The following SPTBN1 variants were observed in gnomAD, a reference collection of about 807,000 sequenced individuals.
SPTBN1 encodes spectrin beta, non-erythrocytic 1.
A neutral mutation model predicts 266.4 loss-of-function variants in SPTBN1; 32 were observed. That is an observed-to-expected ratio of 0.12 (90% confidence interval 0.09 to 0.16). The LOEUF is 0.16. Ranked by LOEUF, SPTBN1 falls within the 10% of genes least tolerant of loss-of-function variation. The pLI, the probability that SPTBN1 is intolerant of heterozygous loss-of-function variation, is 1.00. For missense variants in SPTBN1, 2,296 were observed against 3,067.1 expected, an observed-to-expected ratio of 0.75 and a Z score of 5.94; for synonymous variants, 1,336 against 1,162.2, an observed-to-expected ratio of 1.15 and a Z score of -3.04.
rs187630739 is a variant in SPTBN1 at position 54,635,392 on chromosome 2, G to A, written c.3768-2321G>A. Among the ~76,000 whole-genome samples, 32 of 152,336 alleles carry A rather than the reference G, an allele frequency of 2.1e-4. No homozygotes were observed. The East Asian group carries it at 3.7e-3, about 17-fold the overall frequency. On this transcript the variant is annotated intron_variant, in intron 17 of 35. Transcript: ENST00000356805. The stretch of plus-strand genomic sequence containing the variant: ...TGTGTGGCTGTGTTTCACACCACAC[G>A]AAGGCCGTTGTCACACCTGCGCATA...
At chr2:54,482,129 G>A (rs566714106) in intron 1 of SPTBN1, among the ~76,000 whole-genome samples, 2 of 152,156 alleles carry the variant, frequency 1.3e-5, no homozygotes, top group South Asian at 4.2e-4. Flanking sequence ...GGTCGGATAG[G>A]GATTGACTAT....
chr2:54,612,438 G>C (rs975032123), intron 4 of SPTBN1, 104 bp downstream of exon 4: 1 of 1,320,400 alleles, frequency 7.6e-7, no homozygotes, highest in Non-Finnish European at 1.0e-6. Flanking sequence ...GGGAAGACCA[G>C]GTTGAAAGCA....
At chr2:54,530,547 C>T (rs765291783) in intron 2 of SPTBN1, among the ~76,000 whole-genome samples, 19 of 151,742 alleles carry the variant, frequency 1.3e-4, no homozygotes, top group Non-Finnish European at 2.7e-4. Context: ...TTCGTAGAGA[C>T]GGGGTTTCGC....
intron 1 of SPTBN1, chr2:54,520,329 C>G (rs1670364471): frequency 1.3e-5 from 2 of 152,160 alleles, no homozygotes; most frequent in Non-Finnish European, 2.9e-5. Context: ...AGAATACTTA[C>G]AAAGCCTGGC....
rs1331555523 is a variant in SPTBN1, at chr2:54,628,951, C to T, written c.1817C>T (p.Pro606Leu). The change falls in exon 14 of 36, where the codon CCC (proline) becomes CTC (leucine). Residue 606 changes from proline (P) to leucine (L), a missense_variant. Transcript: ENST00000356805. This position sits in a 1 kb window ranked among gnomAD's most constrained non-coding sequence, Gnocchi z 4.3. Reference protein sequence around the residue: ...TDGEGYKPCDPQVIRDRVAHM... With the variant: ...TDGEGYKPCDLQVIRDRVAHM... Reference sequence around the variant, plus strand: ...TAAACAGGTTACAAGCCCTGTGACCCCCAGGTGATCCGAGACCGCGTGGCC... The same window carrying T: ...TAAACAGGTTACAAGCCCTGTGACCTCCAGGTGATCCGAGACCGCGTGGCC... The T allele has an allele frequency of 1.2e-6, 2 of 1,606,216 alleles. No individual in the cohort carries two copies. The highest frequency in any genetic ancestry group is 1.7e-5 in the Admixed American group (1 of 59,188).
chr2:54,474,242 C>G (rs12988767), intron 1 of SPTBN1, among the ~76,000 whole-genome samples: 1 of 152,120 alleles, frequency 6.6e-6, no homozygotes, highest in Non-Finnish European at 1.5e-5. Context: ...CTTCAGATGC[C>G]TATAAAGATG....
At chr2:54,557,583 G>C (rs574733276) in intron 2 of SPTBN1, among the ~76,000 whole-genome samples, 1 of 152,252 alleles carries the variant, frequency 6.6e-6, no homozygotes, top group Admixed American at 6.5e-5. Flanking sequence ...ACAAATCAGA[G>C]TAGGAATTTG....
intron 2 of SPTBN1, among the ~76,000 whole-genome samples, chr2:54,588,047 A>G (rs1453763137): frequency 1.3e-5 from 2 of 152,170 alleles, no homozygotes. Context: ...GAGTCTAACA[A>G]ATGGGATGTG....
chr2:54,659,280 G>A lies in SPTBN1; in HGVS notation c.6356+14G>A. ...CCAGCAGCAGTGGTGAGTCCCAGCA[G>A]CTCCAGAGGCTGGACCCTTAGCCTC... On this transcript the variant is annotated intron_variant, in intron 31 of 35. Transcript: ENST00000356805. The A allele has an allele frequency of 6.2e-7, 1 of 1,612,330 alleles. No homozygotes were observed. Among genetic ancestry groups the A allele is most frequent in the Non-Finnish European group, 8.5e-7 (1 of 1,178,530 alleles).
rs371710010 is a variant in SPTBN1 at position 54,606,305 on chromosome 2, CG to C, written c.301-5855del. On this transcript the variant is annotated intron_variant, in intron 3 of 35. Coordinates refer to ENST00000356805, the MANE Select transcript of SPTBN1 (RefSeq NM_003128.3). Reference sequence around the variant, plus strand: ...CTTCTCATAATACCATCCACACTGTCGCCTCCACCCTCTTGGAGGGAGACTT... The same window carrying C: ...CTTCTCATAATACCATCCACACTGTCCCTCCACCCTCTTGGAGGGAGACTT... Among the ~76,000 whole-genome samples, 195 of 152,260 alleles carry C rather than the reference CG, an allele frequency of 1.3e-3. 4 individuals carry two copies. In the South Asian group the frequency reaches 0.036, roughly 28 times the overall value.
At position 54,494,894 on chromosome 2, in the gene SPTBN1, A is replaced by G. The variant is rs188066815; in HGVS notation, c.-47-31478A>G. ...AATATGCACATTGTATATCAGTTAT[A>G]CCTGAATAAAGCTGTTTTTTTTTAA... On this transcript the variant is annotated intron_variant, in intron 1 of 35. Transcript: ENST00000356805. 4.7e-4 allele frequency among the ~76,000 whole-genome samples: 68 copies of G among 144,436 alleles called. 1 individual carries two copies. In the East Asian group the frequency reaches 0.012, roughly 26 times the overall value. The allele number at this position is 144,436 out of a possible 152,430, so 94.8% of individuals were successfully genotyped here.
intron 2 of SPTBN1, among the ~76,000 whole-genome samples, chr2:54,568,349 C>CA (rs888478845): frequency 0.024 from 2,273 of 95,370 alleles, 41 homozygotes; most frequent in African/African-American, 0.046. Context: ...GACTCTGTCT[C>CA]AAAAAAAAAA....
At chr2:54,485,091 A>G (rs1558767284) in intron 1 of SPTBN1, among the ~76,000 whole-genome samples, 2 of 151,784 alleles carry the variant, frequency 1.3e-5, no homozygotes, top group South Asian at 4.2e-4. Flanking sequence ...GAAAGAAGAC[A>G]TTGTTATTCC....
intron 1 of SPTBN1, among the ~76,000 whole-genome samples, chr2:54,480,988 A>G (rs1490720642): frequency 1.3e-5 from 2 of 152,160 alleles, no homozygotes; most frequent in Non-Finnish European, 2.9e-5. Context: ...TTGTCAATGT[A>G]GAGGGAGCTA....
chr2:54,533,799 C>T lies in SPTBN1; in HGVS notation c.148+7233C>T, dbSNP rs1671413847. On this transcript the variant is annotated intron_variant, in intron 2 of 35. Transcript: ENST00000356805. This position sits in a 1 kb window ranked among gnomAD's most constrained non-coding sequence, Gnocchi z 4.2. ...CTCCTGACCCCAGGTGATCCGCCCG[C>T]CTTGGCCTCCCAAAGTGCTGGGATT... Among the ~76,000 whole-genome samples the T allele has an allele frequency of 6.6e-6, 1 of 152,190 alleles. No homozygotes were observed. The highest frequency in any genetic ancestry group is 2.1e-4 in the South Asian group (1 of 4,830).
At chr2:54,539,119 A>G (rs1018572827) in intron 2 of SPTBN1, among the ~76,000 whole-genome samples, 1 of 152,166 alleles carries the variant, frequency 6.6e-6, no homozygotes, top group Non-Finnish European at 1.5e-5. Flanking sequence ...GGGTGTATCC[A>G]TAGTCTCCCT....
At chr2:54,471,800 A>ATTTTTTTTTTTGTTTTTTTTTTTTT (rs1693934383) in intron 1 of SPTBN1, among the ~76,000 whole-genome samples, 1 of 102,716 alleles carries the variant, frequency 9.7e-6, no homozygotes, top group Non-Finnish European at 1.9e-5. Flanking sequence ...TTTTTTATCG[A>ATTTTTTTTTTTGTTTTTTTTTTTTT]TTTTTTTTTT....
intron 2 of SPTBN1, among the ~76,000 whole-genome samples, chr2:54,580,843 A>C (rs1450216716): frequency 6.6e-6 from 1 of 152,142 alleles, no homozygotes; most frequent in African/African-American, 2.4e-5. Flanking sequence ...CATCCCTGTA[A>C]TTCCAGCATT....
At chr2:54,620,636 G>A (rs749305595) in intron 7 of SPTBN1, among the ~76,000 whole-genome samples, 1 of 152,130 alleles carries the variant, frequency 6.6e-6, no homozygotes, top group Non-Finnish European at 1.5e-5. Flanking sequence ...GTGACAGAGT[G>A]AGACCCTGTC....
Sources: gnomAD v4.1 joint callset for allele counts (sites outside exome capture counted in the v4.1 genomes callset) on GRCh38, gnomAD v4.1.1 for gene constraint, Gnocchi (gnomAD v3.1) non-coding constraint, MANE v1.5 for transcripts, NCBI Gene and HGNC (gene_info 2026-07-23, HGNC 2026-07-21) for gene names.